DGKQ: variants seen among roughly 807,000 people sequenced by gnomAD.
The protein encoded by DGKQ is diacylglycerol kinase theta.
DGKQ carries 97 observed loss-of-function variants against 104.2 expected under a neutral mutation model. The observed-to-expected ratio is 0.93, with a 90% CI of 0.79 to 1.10. The LOEUF (loss-of-function observed/expected upper bound fraction) is 1.10. Ranked by LOEUF, DGKQ falls within the 50% of genes least tolerant of loss-of-function variation. DGKQ has a pLI of 0.00. For synonymous variants in DGKQ, 736 were observed against 595.2 expected (o/e 1.24, Z -3.44); for missense variants, 1,465 against 1,352.1 (o/e 1.08, Z -1.31).
In DGKQ at chr4:967,587, C is replaced by G. The variant is rs149805008; in HGVS notation, c.949G>C (p.Val317Leu). The change falls in exon 8 of 23, where the codon GTC becomes CTC. Residue 317 changes from valine (V) to leucine (L), a missense_variant. Val to Leu is a conservative substitution (Grantham distance 32, BLOSUM62 1). Coordinates refer to ENST00000273814, the MANE Select transcript of DGKQ (RefSeq NM_001347.4). ...DAVRRSQFRL[V>L]TVSRLAGAEE... ...GCACCGGCCAGGCGGGACACCGTGACGAGGCGGAACTGGCTTCTTCTCACC... is the reference window on the plus strand; with the variant it reads ...GCACCGGCCAGGCGGGACACCGTGAGGAGGCGGAACTGGCTTCTTCTCACC... 39 of 1,612,564 alleles carry G rather than the reference C, an allele frequency of 2.4e-5. No individual in the cohort carries two copies. Among genetic ancestry groups the G allele is most frequent in the African/African-American group, 5.3e-5 (4 of 74,904 alleles).
chr4:960,055 G>A lies in DGKQ; in HGVS notation c.*565C>T, dbSNP rs1041892794. On this transcript the variant is annotated 3_prime_UTR_variant, in exon 23 of 23. Transcript: ENST00000273814. ...TTCTCCCTTCCCTGAACACAAGGAA[G>A]TCACCAGTCACCACCACCCGGCAGC... 6.5e-6 allele frequency: 1 copy of A among 153,680 alleles called. No homozygotes were observed. Among genetic ancestry groups the A allele is most frequent in the African/African-American group, 2.4e-5 (1 of 41,476 alleles). 9.5% of individuals were successfully genotyped at this position (153,680 alleles called of 1,614,324 possible). A position where few individuals can be genotyped will look rare whatever the true frequency, so the allele number is the denominator to read the frequency against.
intron 2 of DGKQ, among the ~76,000 whole-genome samples, chr4:969,612 C>CT (rs35245784): frequency 0.49 from 69,628 of 143,198 alleles, 18,062 homozygotes; most frequent in South Asian, 0.58. Flanking sequence ...AATATATCTC[C>CT]TTTTTTTTTT....
rs1417435523 is a variant in DGKQ, at chr4:962,032, G to T, written c.2265C>A (p.Ser755Arg). ...YCGIGIDAEL[S>R]LDFHQAREEE... ...CTTCCCGTGCCTGGTGGAAGTCCAGGCTCAGCTCCGCGTCGATGCCAATGC... is the reference window on the plus strand; with the variant it reads ...CTTCCCGTGCCTGGTGGAAGTCCAGTCTCAGCTCCGCGTCGATGCCAATGC... The change falls in exon 19 of 23, where the codon AGC becomes AGA. Residue 755 changes from serine to arginine, a missense_variant. Physicochemically the swap from Ser to Arg is moderately radical, Grantham distance 110. Coordinates refer to ENST00000273814, the MANE Select transcript of DGKQ (RefSeq NM_001347.4). The T allele has an allele frequency of 6.2e-7, 1 of 1,613,080 alleles. No homozygotes were observed.
intron 2 of DGKQ, 86 bp downstream of exon 2, chr4:970,907 A>G: frequency 9.5e-7 from 1 of 1,054,270 alleles, no homozygotes; most frequent in Non-Finnish European, 1.4e-6. Context: ...CTAACGTCTG[A>G]CATGAAGGTT....
intron 7 of DGKQ, 29 bp downstream of exon 7, chr4:967,699 G>C: frequency 1.2e-6 from 2 of 1,612,112 alleles, no homozygotes; most frequent in Non-Finnish European, 1.7e-6. Context: ...GACCTCAGTG[G>C]AGTTGGGGGG....
Position 968,032 on chromosome 4 carries a change from G to C in DGKQ, c.664-5C>G, listed in dbSNP as rs773817340. ...CGCGGAGCAGAGGGAGTGCGCCTGG[G>C]GGGAGAAGGGCCTGAGCTGGGGGGT... On this transcript the variant is annotated splice_region_variant and splice_polypyrimidine_tract_variant and intron_variant, in intron 5 of 22. Coordinates refer to ENST00000273814, the MANE Select transcript of DGKQ (RefSeq NM_001347.4). The C allele has an allele frequency of 1.1e-5, 15 of 1,424,856 alleles. No individual in the cohort carries two copies. In the South Asian group the frequency reaches 1.1e-4, roughly 10 times the overall value. 88.3% of individuals were successfully genotyped at this position (1,424,856 alleles called of 1,614,324 possible).
chr4:967,588 G>A lies in DGKQ; in HGVS notation c.948C>T (p.Leu316=), dbSNP rs772866936. ...DDAVRRSQFR[L]VTVSRLAGAE... is the part of the protein sequence containing the mutation. ...CACCGGCCAGGCGGGACACCGTGACGAGGCGGAACTGGCTTCTTCTCACCG... is the reference window on the plus strand; with the variant it reads ...CACCGGCCAGGCGGGACACCGTGACAAGGCGGAACTGGCTTCTTCTCACCG... The change falls in exon 8 of 23, where the codon CTC becomes CTT. Residue 316 remains leucine (L), a synonymous_variant. Transcript: ENST00000273814. 3.9e-5 allele frequency: 63 copies of A among 1,612,558 alleles called. No homozygotes were observed. In the Middle Eastern group the frequency reaches 1.2e-3, roughly 29 times the overall value.
intron 12 of DGKQ, 38 bp from the exon 13 acceptor site, chr4:966,116 A>G (rs1712310851): frequency 6.4e-7 from 1 of 1,561,200 alleles, no homozygotes; most frequent in Non-Finnish European, 8.7e-7. Flanking sequence ...GCCGGGGAGA[A>G]CGGCACCACC....
In DGKQ at chr4:971,998, A is replaced by G. The variant is rs963338101; in HGVS notation, c.272-926T>C. ...AAGAGAAAAGCTCTGGAAGCAGGCC[A>G]GGGTCCACCGAGAGAAGGGGGGACA... On this transcript the variant is annotated intron_variant, in intron 1 of 22. Coordinates refer to ENST00000273814, the MANE Select transcript of DGKQ (RefSeq NM_001347.4). The surrounding 1 kb of genome is among the most constrained non-coding windows in gnomAD (Gnocchi z 4.0). 3.3e-5 allele frequency among the ~76,000 whole-genome samples: 5 copies of G among 150,730 alleles called. No homozygotes were observed. Among genetic ancestry groups the G allele is most frequent in the African/African-American group, 1.2e-4 (5 of 40,900 alleles).
Position 959,810 on chromosome 4 carries a change from G to A in DGKQ, c.*810C>T, listed in dbSNP as rs1456531425. On this transcript the variant is annotated 3_prime_UTR_variant, in exon 23 of 23. Transcript: ENST00000273814. ...CTGGGTGCTAAGTGCCCCACCCTGA[G>A]GGCCGAGGGGCAGACACTCGGGCCC... 2.0e-5 allele frequency: 3 copies of A among 152,148 alleles called. No individual in the cohort carries two copies. The highest frequency in any genetic ancestry group is 7.2e-5 in the African/African-American group (3 of 41,388). The allele number at this position is 152,148 out of a possible 1,614,324, so 9.4% of individuals were successfully genotyped here. A position where few individuals can be genotyped will look rare whatever the true frequency, so the allele number is the denominator to read the frequency against.
chr4:967,494 G>T, intron 8 of DGKQ, 55 bp downstream of exon 8: 1 of 1,561,300 alleles, frequency 6.4e-7, no homozygotes, highest in Non-Finnish European at 8.8e-7. Context: ...TGCGCCAGGT[G>T]CGGGGACATG....
At chr4:963,402 GC>G in intron 15 of DGKQ, 112 bp from the exon 16 acceptor site, 1 of 991,314 alleles carries the variant, frequency 1.0e-6, no homozygotes, top group South Asian at 1.7e-5. Context: ...GCTTGGACCA[GC>G]CCCCTCCCCA....
chr4:961,612 G>A (rs764493443), intron 20 of DGKQ, 34 bp from the exon 21 acceptor site: 6 of 1,610,168 alleles, frequency 3.7e-6, no homozygotes, highest in African/African-American at 1.3e-5. Flanking sequence ...AGAGGTGTAG[G>A]TGCAGGCAGG....
At chr4:966,401 T>C in intron 12 of DGKQ, 65 bp downstream of exon 12, 3 of 1,558,780 alleles carry the variant, frequency 1.9e-6, no homozygotes, top group Non-Finnish European at 2.6e-6. Flanking sequence ...ACACCCACCC[T>C]GTGGGGCAGA....
chr4:961,820 CCCTTGTTGTGCAG>C lies in DGKQ; in HGVS notation c.2317_2329del (p.Leu773ValfsTer76). ...CTGCAGCCCCACCCGCACGTACACA[CCCTTGTTGTGCAG>C]CCTGCAGGACGGGGCAGGTCACCCA... On this transcript the variant is annotated frameshift_variant and splice_region_variant, in exon 20 of 23. Coordinates refer to ENST00000273814, the MANE Select transcript of DGKQ (RefSeq NM_001347.4). LOFTEE classifies it high-confidence loss of function. The C allele has an allele frequency of 6.2e-7, 1 of 1,602,314 alleles. No homozygotes were observed. The highest frequency in any genetic ancestry group is 8.5e-7 in the Non-Finnish European group (1 of 1,174,366).
At position 967,919 on chromosome 4, in the gene DGKQ, TGCTGAAGCCGCCGG is replaced by T. The variant is rs1348426202; in HGVS notation, c.758_771del (p.Pro253GlnfsTer47). 6 of 1,463,122 alleles carry T rather than the reference TGCTGAAGCCGCCGG, an allele frequency of 4.1e-6. No individual in the cohort carries two copies. In the Admixed American group the frequency reaches 1.6e-4, roughly 38 times the overall value. The allele number at this position is 1,463,122 out of a possible 1,614,324, so 90.6% of individuals were successfully genotyped here. A position where few individuals can be genotyped will look rare whatever the true frequency, so the allele number is the denominator to read the frequency against. ...TCCACGATGCGGAAGCTCTGCGTCT[TGCTGAAGCCGCCGG>T]GCAGAAGGCGCACGCACGCGGGAGG... is the stretch of plus-strand genomic sequence containing the variant. On this transcript the variant is annotated frameshift_variant, in exon 6 of 23. Transcript: ENST00000273814. LOFTEE classifies it high-confidence loss of function.
At chr4:967,706 G>C (rs745868764) in intron 7 of DGKQ, 22 bp downstream of exon 7, 1 of 1,611,950 alleles carries the variant, frequency 6.2e-7, no homozygotes, top group South Asian at 1.1e-5. Context: ...GTGGAGTTGG[G>C]GGGAATGAGG....
At position 965,308 on chromosome 4, in the gene DGKQ, G is replaced by C; in HGVS notation, c.1619-17C>G. On this transcript the variant is annotated splice_polypyrimidine_tract_variant and intron_variant, in intron 14 of 22. Coordinates refer to ENST00000273814, the MANE Select transcript of DGKQ (RefSeq NM_001347.4). ...CTACCGCGCCTGCGGCAGGAGCCCA[G>C]GACTCAGGGGGAGCCTGTCCCATGG... 1 of 1,608,330 alleles carries C rather than the reference G, an allele frequency of 6.2e-7. No individual in the cohort carries two copies. The highest frequency in any genetic ancestry group is 8.5e-7 in the Non-Finnish European group (1 of 1,176,350).
chr4:967,466 TG>T lies in DGKQ; in HGVS notation c.987+82del. ...GCCAGGTGGGTGAGGGGCGCCAGGT[TG>T]GGGGAGCCAGGTCAGGTGCGCCAGG... On this transcript the variant is annotated intron_variant, in intron 8 of 22. Coordinates refer to ENST00000273814, the MANE Select transcript of DGKQ (RefSeq NM_001347.4). 3 of 1,373,378 alleles carry T rather than the reference TG, an allele frequency of 2.2e-6. 1 individual carries two copies. The South Asian group carries it at 3.7e-5, about 17-fold the overall frequency. The allele number at this position is 1,373,378 out of a possible 1,614,324, so 85.1% of individuals were successfully genotyped here. A position where few individuals can be genotyped will look rare whatever the true frequency, so the allele number is the denominator to read the frequency against.
Sources: allele counts gnomAD v4.1 joint callset (sites outside exome capture counted in the v4.1 genomes callset), GRCh38; gene constraint gnomAD v4.1.1; non-coding constraint Gnocchi (gnomAD v3.1); transcripts MANE v1.5; gene names NCBI Gene and HGNC (gene_info 2026-07-23, HGNC 2026-07-21).